NSF: variants seen among roughly 807,000 people sequenced by gnomAD.
The protein encoded by NSF is vesicle-fusing ATPase.
NSF carries 14 observed loss-of-function variants against 50.3 expected under a neutral mutation model. That is an observed-to-expected ratio of 0.28 (90% CI 0.18 to 0.44). The LOEUF (loss-of-function observed/expected upper bound fraction) is 0.44, where lower values mean the gene tolerates loss of function less well. Among genes scored for constraint, NSF ranks in the 20% least tolerant of loss-of-function variants. The pLI is 1.00. For synonymous variants in NSF, 109 were observed against 175.7 expected (o/e 0.62, Z 3.00); for missense variants, 218 against 504.3 (o/e 0.43, Z 5.44).
rs2059230818 is a variant in NSF, at chr17:46,756,072, T to C, written c.*249T>C. 1 of 467,724 alleles carries C rather than the reference T, an allele frequency of 2.1e-6. No homozygotes were observed. Among genetic ancestry groups the C allele is most frequent in the African/African-American group, 2.0e-5 (1 of 50,510 alleles). 29.0% of individuals were successfully genotyped at this position (467,724 alleles called of 1,614,324 possible). On this transcript the variant is annotated 3_prime_UTR_variant, in exon 21 of 21. Coordinates refer to ENST00000398238, the MANE Select transcript of NSF (RefSeq NM_006178.4). ...TACCTTCCCATGCAGGCTAAAGTGATTCCTTCTTGCTCAGTCCCTCTGGGT... is the reference window on the plus strand; with the variant it reads ...TACCTTCCCATGCAGGCTAAAGTGACTCCTTCTTGCTCAGTCCCTCTGGGT...
At chr17:46,710,202 CTATT>C (rs2058705329) in intron 13 of NSF, among the ~76,000 whole-genome samples, 1 of 151,998 alleles carries the variant, frequency 6.6e-6, no homozygotes, top group African/African-American at 2.4e-5. Context: ...TTATGTTTTC[CTATT>C]TATTCTGTTA....
At chr17:46,598,117 G>T in intron 1 of NSF, among the ~76,000 whole-genome samples, 1 of 48,746 alleles carries the variant, frequency 2.1e-5, no homozygotes, top group Non-Finnish European at 4.0e-5. Flanking sequence ...ACTCTTAATG[G>T]GTTTTATATT....
intron 15 of NSF, chr17:46,721,795 A>T: frequency 1.2e-6 from 2 of 1,602,296 alleles, no homozygotes; most frequent in Non-Finnish European, 1.7e-6. Context: ...CATCGTGCAC[A>T]GCTGTCAGAG....
chr17:46,752,367 T>A, intron 19 of NSF, among the ~76,000 whole-genome samples: 1 of 152,202 alleles, frequency 6.6e-6, no homozygotes. Context: ...TATCAAGCCC[T>A]ATGAGTTCAG....
intron 8 of NSF, among the ~76,000 whole-genome samples, chr17:46,667,554 G>A (rs1393342908): frequency 5.0e-5 from 7 of 140,814 alleles, no homozygotes; most frequent in African/African-American, 1.5e-4. Context: ...GAAAACAAAT[G>A]TTCTTTTGCT....
At chr17:46,718,714 G>C (rs1268065788) in intron 15 of NSF, among the ~76,000 whole-genome samples, 1 of 152,022 alleles carries the variant, frequency 6.6e-6, no homozygotes, top group Non-Finnish European at 1.5e-5. Context: ...ATAAGCCACT[G>C]TTTTCTCATC....
At chr17:46,679,712 T>C (rs796630914) in intron 9 of NSF, among the ~76,000 whole-genome samples, 23 of 150,578 alleles carry the variant, frequency 1.5e-4, no homozygotes, top group African/African-American at 3.4e-4. Flanking sequence ...AAAAAGAAGC[T>C]AATAATGTTA....
At chr17:46,754,149 C>T (rs371347120) in intron 19 of NSF, among the ~76,000 whole-genome samples, 89 of 133,962 alleles carry the variant, frequency 6.6e-4, no homozygotes, top group South Asian at 9.6e-4. Flanking sequence ...CCAGCCAGTT[C>T]TTTTTTTTTT....
chr17:46,744,730 T>G (rs879502179), intron 17 of NSF, among the ~76,000 whole-genome samples: 4 of 152,166 alleles, frequency 2.6e-5, no homozygotes, highest in Non-Finnish European at 4.4e-5. Context: ...TGGTCCTTTG[T>G]GTGGCAAAAG....
chr17:46,748,625 G>A (rs961526418), intron 17 of NSF, among the ~76,000 whole-genome samples: 4 of 152,208 alleles, frequency 2.6e-5, no homozygotes, highest in Admixed American at 2.6e-4. Context: ...AGAGAGGAAA[G>A]CTCCAGAACT....
At chr17:46,609,488 A>C (rs965972608) in intron 1 of NSF, among the ~76,000 whole-genome samples, 4 of 151,808 alleles carry the variant, frequency 2.6e-5, no homozygotes, top group African/African-American at 9.7e-5. Flanking sequence ...TGTTCTATGG[A>C]AAAGAAGTAG....
chr17:46,756,731 A>G lies in NSF; in HGVS notation c.*908A>G, dbSNP rs2059237898. The G allele has an allele frequency of 6.6e-6, 1 of 152,606 alleles. No homozygotes were observed. The highest frequency in any genetic ancestry group is 2.1e-4 in the South Asian group (1 of 4,830). The allele number at this position is 152,606 out of a possible 1,614,324, so 9.5% of individuals were successfully genotyped here. On this transcript the variant is annotated 3_prime_UTR_variant, in exon 21 of 21. Coordinates refer to ENST00000398238, the MANE Select transcript of NSF (RefSeq NM_006178.4). ...TCCTTAGCTTAATGACTTACTTAGAATTTATCCTTTATTTTAAATGATCTG... is the reference window on the plus strand; with the variant it reads ...TCCTTAGCTTAATGACTTACTTAGAGTTTATCCTTTATTTTAAATGATCTG...
intron 1 of NSF, among the ~76,000 whole-genome samples, chr17:46,610,027 T>TTCTTTCTTTCTTTCTTTCTTTC (rs774244394): frequency 1.8e-5 from 2 of 109,466 alleles, no homozygotes; most frequent in African/African-American, 6.6e-5. Flanking sequence ...CTTTCTTTCT[T>TTCTTTCTTTCTTTCTTTCTTTC]TCTCTCTCTC....
chr17:46,635,838 T>C (rs1247142607), intron 4 of NSF, among the ~76,000 whole-genome samples: 2 of 133,828 alleles, frequency 1.5e-5, no homozygotes, highest in Non-Finnish European at 1.7e-5. Flanking sequence ...TGAAGCCTTA[T>C]TGAAGAGTAG....
At chr17:46,751,675 AGGGTT>A in intron 19 of NSF, 59 bp downstream of exon 19, 1 of 994,762 alleles carries the variant, frequency 1.0e-6, no homozygotes, top group Non-Finnish European at 1.5e-6. Flanking sequence ...ACACACCAAG[AGGGTT>A]CAGTATTTCC....
At chr17:46,723,894 T>C (rs898190886) in intron 15 of NSF, among the ~76,000 whole-genome samples, 8 of 152,214 alleles carry the variant, frequency 5.3e-5, no homozygotes, top group Non-Finnish European at 4.4e-5. Context: ...GACATGTCAG[T>C]CCATTGCTTA....
At chr17:46,601,848 A>G (rs1489941411) in intron 1 of NSF, among the ~76,000 whole-genome samples, 1 of 151,044 alleles carries the variant, frequency 6.6e-6, no homozygotes, top group African/African-American at 2.5e-5. Context: ...TTCCGTATGA[A>G]TTCTGGGAAC....
chr17:46,747,486 C>T (rs2059142328), intron 17 of NSF, among the ~76,000 whole-genome samples: 1 of 152,034 alleles, frequency 6.6e-6, no homozygotes, highest in Non-Finnish European at 1.5e-5. Context: ...CGCCATGTTA[C>T]CTAGACAAGT....
chr17:46,724,931 C>T (rs2058871673), intron 15 of NSF, among the ~76,000 whole-genome samples: 1 of 152,108 alleles, frequency 6.6e-6, no homozygotes, highest in Non-Finnish European at 1.5e-5. Context: ...AATCAGATAT[C>T]TCCAACTTCT....
Sources: allele counts gnomAD v4.1 joint callset (sites outside exome capture counted in the v4.1 genomes callset), GRCh38; gene constraint gnomAD v4.1.1; transcripts MANE v1.5; gene names NCBI Gene and HGNC (gene_info 2026-07-23, HGNC 2026-07-21).